Variants in ADGRB3 observed in about 807,000 individuals in gnomAD.
ADGRB3 encodes brain-specific angiogenesis inhibitor 3.
Under a neutral mutation model 193.4 loss-of-function variants are expected in ADGRB3, and 37 were observed. The ratio of observed to expected loss-of-function variants is 0.19; its 90% CI spans 0.15 to 0.25. ADGRB3 has a LOEUF of 0.25. Among genes scored for constraint, ADGRB3 ranks in the 10% least tolerant of loss-of-function variants. ADGRB3 has a pLI of 1.00. For synonymous variants in ADGRB3, 690 were observed against 644.2 expected, an observed-to-expected ratio of 1.07 and a Z score of -1.08; for missense variants, 1,637 against 1,852.9, an observed-to-expected ratio of 0.88 and a Z score of 2.14.
At chr6:68,795,884 G>A (rs1290507810) in intron 3 of ADGRB3, among the ~76,000 whole-genome samples, 1 of 152,038 alleles carries the variant, frequency 6.6e-6, no homozygotes, top group Non-Finnish European at 1.5e-5. Context: ...CTGTCTATGA[G>A]CTTGACTGGC....
intron 17 of ADGRB3, among the ~76,000 whole-genome samples, chr6:69,198,811 A>C (rs1043337348): frequency 2.0e-5 from 3 of 152,094 alleles, no homozygotes; most frequent in Non-Finnish European, 4.4e-5. Context: ...ATGATGCCTA[A>C]ATATGGTGTG....
intron 17 of ADGRB3, among the ~76,000 whole-genome samples, chr6:69,182,501 C>T (rs1376035946): frequency 6.6e-6 from 1 of 150,714 alleles, no homozygotes; most frequent in Non-Finnish European, 1.5e-5. Context: ...GAATCACTGA[C>T]TTCTGAGTTG....
chr6:68,868,953 T>TGTGTGTGTG (rs1414491398), intron 3 of ADGRB3, among the ~76,000 whole-genome samples: 1 of 99,014 alleles, frequency 1.0e-5, no homozygotes, highest in South Asian at 3.4e-4. Flanking sequence ...GTGTGTGTGT[T>TGTGTGTGTG]TAAACTTAAT....
At chr6:69,031,457 T>C in intron 13 of ADGRB3, among the ~76,000 whole-genome samples, 1 of 131,442 alleles carries the variant, frequency 7.6e-6, no homozygotes, top group African/African-American at 3.0e-5. Flanking sequence ...AAAAAAAAAA[T>C]TCTAGAGTTT....
At chr6:68,645,221 C>A (rs954091078) in intron 3 of ADGRB3, among the ~76,000 whole-genome samples, 2 of 151,764 alleles carry the variant, frequency 1.3e-5, no homozygotes, top group South Asian at 2.1e-4. Flanking sequence ...CCAAAGAGAG[C>A]TGAGTTTTAA....
chr6:69,188,616 C>CT (rs551064833), intron 17 of ADGRB3, among the ~76,000 whole-genome samples: 1 of 152,014 alleles, frequency 6.6e-6, no homozygotes, highest in Non-Finnish European at 1.5e-5. Context: ...GCCCTGGAAT[C>CT]TTTTTTTACT....
At chr6:68,921,094 G>C (rs1411933277) in intron 3 of ADGRB3, among the ~76,000 whole-genome samples, 2 of 151,856 alleles carry the variant, frequency 1.3e-5, no homozygotes, top group Admixed American at 6.6e-5. Flanking sequence ...ATTAGGAAAA[G>C]GCAAAAAATA....
intron 3 of ADGRB3, among the ~76,000 whole-genome samples, chr6:68,683,372 T>C (rs1449040923): frequency 6.6e-6 from 1 of 152,158 alleles, no homozygotes; most frequent in African/African-American, 2.4e-5. Context: ...GATAAGATGA[T>C]ACAGCCATAA....
At chr6:69,046,679 A>G (rs374725580) in intron 13 of ADGRB3, among the ~76,000 whole-genome samples, 2 of 152,340 alleles carry the variant, frequency 1.3e-5, no homozygotes, top group South Asian at 4.1e-4. Flanking sequence ...TAATCACCTG[A>G]AAGAACTTTA....
intron 3 of ADGRB3, among the ~76,000 whole-genome samples, chr6:68,773,497 C>T (rs1440025465): frequency 6.6e-6 from 1 of 152,178 alleles, no homozygotes; most frequent in African/African-American, 2.4e-5. Context: ...TTCATTCATG[C>T]ATTCATTAAT....
intron 20 of ADGRB3, among the ~76,000 whole-genome samples, chr6:69,257,391 G>T (rs1483068045): frequency 1.3e-5 from 2 of 152,118 alleles, no homozygotes; most frequent in Non-Finnish European, 2.9e-5. Context: ...GCCTGTTATT[G>T]GTCTATTCAG....
chr6:69,112,951 T>A (rs767645836), intron 17 of ADGRB3, among the ~76,000 whole-genome samples: 39 of 151,922 alleles, frequency 2.6e-4, no homozygotes, highest in Non-Finnish European at 5.3e-4. Flanking sequence ...AGAGATGGGG[T>A]TTCACCATCT....
chr6:69,030,996 TTTTC>T (rs1770638106), intron 13 of ADGRB3, among the ~76,000 whole-genome samples: 6 of 117,600 alleles, frequency 5.1e-5, no homozygotes, highest in South Asian at 2.5e-4. Flanking sequence ...CTTTTCTTTC[TTTTC>T]CTTTCTTTTC....
chr6:69,327,909 TA>T lies in ADGRB3; in HGVS notation c.3035+23del. The T allele has an allele frequency of 3.2e-6, 5 of 1,577,690 alleles. No individual in the cohort carries two copies. The highest frequency in any genetic ancestry group is 4.3e-6 in the Non-Finnish European group (5 of 1,153,754). ...TCACTAGTAAGTCCATCCACAGAGA[TA>T]AATCATGTTTATAATTTAACAAATC... On this transcript the variant is annotated intron_variant, in intron 22 of 31. Coordinates refer to ENST00000370598, the MANE Select transcript of ADGRB3 (RefSeq NM_001704.3).
In ADGRB3 at chr6:68,920,344, C is replaced by G. The variant is rs918524278; in HGVS notation, c.758-10215C>G. Among the ~76,000 whole-genome samples, 12 of 151,814 alleles carry G rather than the reference C, an allele frequency of 7.9e-5. No homozygotes were observed. In the South Asian group the frequency reaches 2.1e-3, roughly 26 times the overall value. ...ACCATCCTGGCTAACATGGTGAAACCCCATTTCTACTAAAAATACAAAAAA... is the reference window on the plus strand; with the variant it reads ...ACCATCCTGGCTAACATGGTGAAACGCCATTTCTACTAAAAATACAAAAAA... On this transcript the variant is annotated intron_variant, in intron 3 of 31. Coordinates refer to ENST00000370598, the MANE Select transcript of ADGRB3 (RefSeq NM_001704.3).
intron 31 of ADGRB3, among the ~76,000 whole-genome samples, chr6:69,387,285 A>G (rs1302699373): frequency 2.6e-5 from 4 of 152,082 alleles, no homozygotes; most frequent in Non-Finnish European, 2.9e-5. Flanking sequence ...CAGCTGATAA[A>G]TAAATATTGA....
intron 15 of ADGRB3, among the ~76,000 whole-genome samples, chr6:69,052,416 A>G (rs1401835540): frequency 6.6e-6 from 1 of 152,218 alleles, no homozygotes; most frequent in African/African-American, 2.4e-5. Context: ...ACAAAGTTTT[A>G]TAAAATATAT....
In ADGRB3 at chr6:69,011,647, A is replaced by C. The variant is rs192314987; in HGVS notation, c.1930-2391A>C. 3.4e-3 allele frequency among the ~76,000 whole-genome samples: 522 copies of C among 152,208 alleles called. 1 individual carries two copies. Among genetic ancestry groups the C allele is most frequent in the African/African-American group, 0.012 (487 of 41,556 alleles). On this transcript the variant is annotated intron_variant, in intron 11 of 31. Coordinates refer to ENST00000370598, the MANE Select transcript of ADGRB3 (RefSeq NM_001704.3). The stretch of plus-strand genomic sequence containing the variant: ...TGAATCTAAAATTAAAGTTGGAAAA[A>C]TAAAGAAAAAAGAAAGAGAAGCTGA...
chr6:68,772,893 AAATAT>A (rs1331795023), intron 3 of ADGRB3, among the ~76,000 whole-genome samples: 84 of 22,636 alleles, frequency 3.7e-3, no homozygotes, highest in Non-Finnish European at 5.2e-3. Context: ...AAAAAAAAAA[AAATAT>A]ATATATATAT....
Sources: allele counts gnomAD v4.1 joint callset (sites outside exome capture counted in the v4.1 genomes callset), GRCh38; gene constraint gnomAD v4.1.1; transcripts MANE v1.5; gene names NCBI Gene and HGNC (gene_info 2026-07-23, HGNC 2026-07-21).